The following ATM variants were observed in gnomAD, a reference collection of about 807,000 sequenced individuals.
ATM encodes ATM serine/threonine kinase.
In ATM, 308 loss-of-function variants were observed where a neutral mutation model predicts 387.0. The observed-to-expected ratio is 0.80, with a 90% CI of 0.73 to 0.87. ATM has a LOEUF of 0.87. ATM is among the 40% of genes least tolerant of loss of function. The probability of loss-of-function intolerance (pLI) is 0.00; values close to 1 mark genes in which losing one functional copy is unlikely to be tolerated. For missense variants in ATM, 3,312 were observed against 3,560.9 expected, an observed-to-expected ratio of 0.93 and a Z score of 1.78; for synonymous variants, 1,156 against 1,187.3, an observed-to-expected ratio of 0.97 and a Z score of 0.54.
intron 61 of ATM, chr11:108,355,076 G>GT: frequency 1.7e-6 from 1 of 580,170 alleles, no homozygotes; most frequent in South Asian, 2.1e-5. Context: ...GCCCCCTTGA[G>GT]TTTCTTGGAA....
intron 29 of ATM, 111 bp downstream of exon 29, chr11:108,289,912 G>A (rs2082694033): frequency 5.7e-6 from 6 of 1,050,040 alleles, no homozygotes; most frequent in Non-Finnish European, 8.4e-6. Context: ...GTCCGCCCAG[G>A]CTGGGTGCAG....
At chr11:108,234,163 A>G (rs2079155725) in intron 4 of ATM, among the ~76,000 whole-genome samples, 2 of 152,318 alleles carry the variant, frequency 1.3e-5, no homozygotes, top group South Asian at 2.1e-4. Context: ...AAAGGATCAC[A>G]TGGTTGTGCA....
chr11:108,284,714 T>C (rs2082402069), intron 26 of ATM, among the ~76,000 whole-genome samples: 1 of 152,220 alleles, frequency 6.6e-6, no homozygotes, highest in Admixed American at 6.5e-5. Flanking sequence ...ACCATTTGAA[T>C]AATTTTCTTC....
chr11:108,251,139 T>C, intron 10 of ATM, 67 bp downstream of exon 10: 3 of 1,589,582 alleles, frequency 1.9e-6, no homozygotes, highest in Non-Finnish European at 8.6e-7. Context: ...CACTCACATA[T>C]CCCTGATCAT....
intron 60 of ATM, 24 bp downstream of exon 60, chr11:108,353,904 G>C (rs761510445): frequency 2.5e-6 from 4 of 1,593,298 alleles, no homozygotes; most frequent in Non-Finnish European, 3.4e-6. Flanking sequence ...AGTAAAGGAG[G>C]GAAATAATTT....
At chr11:108,236,991 A>G (rs1007618624) in intron 5 of ATM, among the ~76,000 whole-genome samples, 13 of 151,984 alleles carry the variant, frequency 8.6e-5, no homozygotes, top group Admixed American at 6.5e-5. Context: ...TTTTTCATGG[A>G]AAGTATTTAA....
At chr11:108,243,702 G>T (rs1229920018) in intron 5 of ATM, among the ~76,000 whole-genome samples, 7 of 152,186 alleles carry the variant, frequency 4.6e-5, no homozygotes, top group Non-Finnish European at 8.8e-5. Context: ...GAGAAGTTAA[G>T]TAATGTTTCT....
chr11:108,261,108 G>A (rs950387787), intron 16 of ATM, among the ~76,000 whole-genome samples: 12 of 151,072 alleles, frequency 7.9e-5, no homozygotes, highest in East Asian at 3.9e-4. Context: ...CAAAGCAGCC[G>A]GGAAGCTCGA....
intron 5 of ATM, among the ~76,000 whole-genome samples, chr11:108,242,808 G>T (rs1286729451): frequency 6.6e-6 from 1 of 152,092 alleles, no homozygotes; most frequent in African/African-American, 2.4e-5. Context: ...CAAAAATGAA[G>T]GTAGTCTGGC....
At chr11:108,272,678 A>C in intron 21 of ATM, 44 bp from the exon 22 acceptor site, 1 of 1,613,204 alleles carries the variant, frequency 6.2e-7, no homozygotes, top group Non-Finnish European at 8.5e-7. Context: ...GTTAATGAGT[A>C]ATTTTTCTCT....
rs764906663 is a variant in ATM at position 108,343,228 on chromosome 11, C to G, written c.8275C>G (p.Pro2759Ala). Residue 2759 changes from proline to alanine, a missense_variant, in exon 57 of 63, where the codon CCC becomes GCC. Coordinates refer to ENST00000675843, the MANE Select transcript of ATM (RefSeq NM_000051.4). Reference sequence around the variant, plus strand: ...ATTTAATCTGTAACTCCAGGTGGTTCCCCTCTCTCAGCGAAGTGGTGTTCT... The same window carrying G: ...ATTTAATCTGTAACTCCAGGTGGTTGCCCTCTCTCAGCGAAGTGGTGTTCT... ...KLTICTYKVV[P>A]LSQRSGVLEW... 1 of 1,613,894 alleles carries G rather than the reference C, an allele frequency of 6.2e-7. No homozygotes were observed. Among genetic ancestry groups the G allele is most frequent in the Non-Finnish European group, 8.5e-7 (1 of 1,179,894 alleles).
In ATM at chr11:108,247,026, G is replaced by T; in HGVS notation, c.964G>T (p.Glu322Ter). ...CAACTTATATGATCTGCTAGTGAAT[G>T]AGATAAGTCATATAGGAAGTAGAGG... Reference protein sequence around the residue: ...LYNLYDLLVNEISHIGSRGKY... With the variant: ...LYNLYDLLVN Residue 322 changes from glutamate to a stop codon, truncating the protein, a stop_gained, in exon 8 of 63, where the codon GAG becomes TAG. Coordinates refer to ENST00000675843, the MANE Select transcript of ATM (RefSeq NM_000051.4). LOFTEE classifies it high-confidence loss of function. The T allele has an allele frequency of 6.2e-7, 1 of 1,613,214 alleles. No homozygotes were observed. The highest frequency in any genetic ancestry group is 1.1e-5 in the South Asian group (1 of 91,024).
intron 50 of ATM, 83 bp downstream of exon 50, chr11:108,330,504 C>T: frequency 7.3e-7 from 1 of 1,366,700 alleles, no homozygotes; most frequent in Non-Finnish European, 1.0e-6. Context: ...TCGTGTATAC[C>T]TCTTTGTATT....
intron 21 of ATM, 24 bp downstream of exon 21, chr11:108,272,631 A>G: frequency 6.2e-7 from 1 of 1,612,764 alleles, no homozygotes; most frequent in Non-Finnish European, 8.5e-7. Flanking sequence ...TTTTTTTAGT[A>G]AGATCTCCAT....
At chr11:108,260,072 T>C (rs937381309) in intron 16 of ATM, among the ~76,000 whole-genome samples, 3 of 150,646 alleles carry the variant, frequency 2.0e-5, no homozygotes, top group African/African-American at 7.4e-5. Context: ...TCTTGCTCTG[T>C]TGCCCGGGCT....
chr11:108,325,985 C>G, intron 46 of ATM, 73 bp from the exon 47 acceptor site: 1 of 1,537,512 alleles, frequency 6.5e-7, no homozygotes, highest in Non-Finnish European at 8.9e-7. Context: ...TTGCTGCTTT[C>G]ATTATTATTA....
chr11:108,358,417 A>G (rs906947508), intron 61 of ATM, among the ~76,000 whole-genome samples: 6 of 150,392 alleles, frequency 4.0e-5, no homozygotes, highest in African/African-American at 1.5e-4. Context: ...AAGGCAGGCC[A>G]ACGTTCAGAT....
At chr11:108,309,521 A>G (rs1410934956) in intron 38 of ATM, among the ~76,000 whole-genome samples, 2 of 152,196 alleles carry the variant, frequency 1.3e-5, no homozygotes, top group Non-Finnish European at 2.9e-5. Flanking sequence ...GTAGTAGGCA[A>G]TATAGCTAGA....
intron 1 of ATM, chr11:108,225,271 C>T (rs1345883132): frequency 1.3e-5 from 2 of 152,022 alleles, no homozygotes; most frequent in Admixed American, 1.3e-4. Flanking sequence ...AATGGAAAAA[C>T]AAAAATGATA....
Sources: gnomAD v4.1 joint callset for allele counts (sites outside exome capture counted in the v4.1 genomes callset) on GRCh38, gnomAD v4.1.1 for gene constraint, MANE v1.5 for transcripts, NCBI Gene and HGNC (gene_info 2026-07-23, HGNC 2026-07-21) for gene names.